The following OPCML variants were observed in gnomAD, a reference collection of about 807,000 sequenced individuals.
OPCML encodes opioid-binding protein/cell adhesion molecule.
Under a neutral mutation model 37.8 loss-of-function variants are expected in OPCML, and 13 were observed. The observed-to-expected ratio is 0.34, with a 90% CI of 0.22 to 0.55. The LOEUF is 0.55. Among genes scored for constraint, OPCML ranks in the 20% least tolerant of loss-of-function variants. The pLI, the probability that OPCML is intolerant of heterozygous loss-of-function variation, is 0.91. For missense variants in OPCML, 341 were observed against 435.6 expected, an observed-to-expected ratio of 0.78 and a Z score of 1.93; for synonymous variants, 176 against 168.8, an observed-to-expected ratio of 1.04 and a Z score of -0.33.
chr11:133,499,613 T>C (rs556923171), intron 1 of OPCML, among the ~76,000 whole-genome samples: 3 of 151,894 alleles, frequency 2.0e-5, no homozygotes, highest in South Asian at 4.2e-4. Context: ...GACTCTCTGA[T>C]GGATTTGGGA....
At chr11:133,256,022 A>C (rs1941301571) in intron 1 of OPCML, among the ~76,000 whole-genome samples, 1 of 152,144 alleles carries the variant, frequency 6.6e-6, no homozygotes, top group South Asian at 2.1e-4. Context: ...TTCGTTCACT[A>C]TTTTTGCTAC....
Position 133,035,649 on chromosome 11 carries a change from G to A in OPCML, c.62-92639C>T, listed in dbSNP as rs147087350. 2.3e-3 allele frequency among the ~76,000 whole-genome samples: 349 copies of A among 152,240 alleles called. 2 individuals are homozygous for A. Among genetic ancestry groups the A allele is most frequent in the African/African-American group, 8.1e-3 (335 of 41,550 alleles). The stretch of plus-strand genomic sequence containing the variant: ...ACTGAATCGTGCCCCCCCAAAAAAT[G>A]TACATGTCAAAGTCCTAACTCTTAG... On this transcript the variant is annotated intron_variant, in intron 1 of 7. Coordinates refer to ENST00000524381, the MANE Select transcript of OPCML (RefSeq NM_001012393.5).
At chr11:133,282,903 C>T (rs1040192695) in intron 1 of OPCML, among the ~76,000 whole-genome samples, 4 of 152,166 alleles carry the variant, frequency 2.6e-5, no homozygotes, top group African/African-American at 7.2e-5. Flanking sequence ...TGGCCTACTG[C>T]CCCTTCCTGT....
At chr11:132,853,903 GGC>G (rs1941930092) in intron 2 of OPCML, among the ~76,000 whole-genome samples, 1 of 152,284 alleles carries the variant, frequency 6.6e-6, no homozygotes, top group East Asian at 1.9e-4. Context: ...TTCTCCAGTA[GGC>G]AGTTAAATTG....
rs1464798645 is a variant in OPCML, at chr11:132,836,298, A to G, written c.146+106628T>C. Among the ~76,000 whole-genome samples the G allele has an allele frequency of 2.0e-5, 3 of 152,068 alleles. No individual in the cohort carries two copies. In the East Asian group the frequency reaches 5.8e-4, roughly 29 times the overall value. On this transcript the variant is annotated intron_variant, in intron 2 of 7. Coordinates refer to ENST00000524381, the MANE Select transcript of OPCML (RefSeq NM_001012393.5). ...ATCTCATCAGTGTTAGAAAAATAAT[A>G]CCCTGCCTGCTCAGCATTATCTGTT...
chr11:133,341,253 C>A (rs905581353), intron 1 of OPCML, among the ~76,000 whole-genome samples: 1 of 152,202 alleles, frequency 6.6e-6, no homozygotes, highest in Non-Finnish European at 1.5e-5. Flanking sequence ...GAAAAAAGGT[C>A]TTGATCTAAT....
rs77990692 is a variant in OPCML, at chr11:132,653,198, G to A, written c.379+3889C>T. 2.0e-3 allele frequency among the ~76,000 whole-genome samples: 311 copies of A among 152,128 alleles called. 3 individuals are homozygous for A. The highest frequency in any genetic ancestry group is 7.0e-3 in the African/African-American group (290 of 41,542). On this transcript the variant is annotated intron_variant, in intron 3 of 7. Transcript: ENST00000524381. The stretch of plus-strand genomic sequence containing the variant: ...TAGGATCGTATCTCCCCAATCACTA[G>A]CATTTCTCCAAACTAAAAAATCTGG...
At chr11:132,745,500 C>T (rs1264021970) in intron 2 of OPCML, among the ~76,000 whole-genome samples, 1 of 150,008 alleles carries the variant, frequency 6.7e-6, no homozygotes, top group Non-Finnish European at 1.5e-5. Flanking sequence ...AACCTTTCTC[C>T]TCTCCCTTGC....
intron 2 of OPCML, among the ~76,000 whole-genome samples, chr11:132,779,147 T>G (rs1468757678): frequency 2.0e-5 from 3 of 152,026 alleles, no homozygotes; most frequent in African/African-American, 7.2e-5. Flanking sequence ...TTTGTATTTT[T>G]AATAGACACA....
At chr11:132,884,362 G>T (rs1452997760) in intron 2 of OPCML, among the ~76,000 whole-genome samples, 2 of 152,202 alleles carry the variant, frequency 1.3e-5, no homozygotes, top group African/African-American at 4.8e-5. Flanking sequence ...ATAAGTCAGA[G>T]AAAATGAGGC....
chr11:132,570,778 T>G (rs2096435673), intron 3 of OPCML, among the ~76,000 whole-genome samples: 2 of 109,460 alleles, frequency 1.8e-5, no homozygotes, highest in African/African-American at 7.7e-5. Context: ...TATATATATA[T>G]ATATATATAT....
intron 1 of OPCML, among the ~76,000 whole-genome samples, chr11:133,228,425 C>T (rs1209242753): frequency 6.6e-6 from 1 of 152,240 alleles, no homozygotes; most frequent in African/African-American, 2.4e-5. Flanking sequence ...TTTTCTGCTT[C>T]TAATTCCAGT....
At chr11:133,362,399 C>T (rs1944442942) in intron 1 of OPCML, among the ~76,000 whole-genome samples, 1 of 152,188 alleles carries the variant, frequency 6.6e-6, no homozygotes, top group South Asian at 2.1e-4. Flanking sequence ...CGCCTCCCCT[C>T]GGAGGCTGCC....
At chr11:133,354,324 G>T (rs1000443515) in intron 1 of OPCML, among the ~76,000 whole-genome samples, 1 of 2,494 alleles carries the variant, frequency 4.0e-4, no homozygotes, top group Non-Finnish European at 9.6e-4. Flanking sequence ...AGTGGTGGTG[G>T]TGGTGATGAT....
intron 1 of OPCML, among the ~76,000 whole-genome samples, chr11:133,318,753 G>T (rs1401001845): frequency 6.6e-6 from 1 of 152,116 alleles, no homozygotes; most frequent in African/African-American, 2.4e-5. Flanking sequence ...AAATTCATGA[G>T]GGGCTGGGAG....
intron 4 of OPCML, among the ~76,000 whole-genome samples, chr11:132,441,347 T>C (rs1451413996): frequency 1.3e-5 from 2 of 150,978 alleles, no homozygotes; most frequent in African/African-American, 4.9e-5. Flanking sequence ...TTTTTGTATT[T>C]TTAGTAGAGA....
intron 1 of OPCML, among the ~76,000 whole-genome samples, chr11:133,201,235 C>A (rs1036008103): frequency 6.6e-6 from 1 of 151,264 alleles, no homozygotes; most frequent in African/African-American, 2.4e-5. Flanking sequence ...CCAGGACACA[C>A]AATTTAGCCA....
At chr11:133,486,751 T>C (rs1474114125) in intron 1 of OPCML, among the ~76,000 whole-genome samples, 1 of 152,048 alleles carries the variant, frequency 6.6e-6, no homozygotes, top group Non-Finnish European at 1.5e-5. Context: ...TACTTTAGGG[T>C]ACACACAGAG....
intron 1 of OPCML, among the ~76,000 whole-genome samples, chr11:133,042,041 G>C (rs538171568): frequency 2.6e-5 from 4 of 152,198 alleles, no homozygotes; most frequent in African/African-American, 7.2e-5. Flanking sequence ...GTGCAGAGCT[G>C]GGGGGTGGGG....
Sources: allele counts gnomAD v4.1 joint callset (sites outside exome capture counted in the v4.1 genomes callset), GRCh38; gene constraint gnomAD v4.1.1; transcripts MANE v1.5; gene names NCBI Gene and HGNC (gene_info 2026-07-23, HGNC 2026-07-21).